The following CRISPLD2 variants were observed in gnomAD, a reference collection of about 807,000 sequenced individuals.
CRISPLD2 encodes cysteine rich secretory protein LCCL domain containing 2.
In CRISPLD2, 47 loss-of-function variants were observed where a neutral mutation model predicts 71.1. The observed-to-expected ratio is 0.66, with a 90% CI of 0.52 to 0.84. The LOEUF (loss-of-function observed/expected upper bound fraction) is 0.84. CRISPLD2 is among the 40% of genes least tolerant of loss of function. The probability of loss-of-function intolerance (pLI) is 0.00; values close to 1 mark genes in which losing one functional copy is unlikely to be tolerated. For missense variants in CRISPLD2, 830 were observed against 651.1 expected, an observed-to-expected ratio of 1.27 and a Z score of -2.99; for synonymous variants, 317 against 250.1, an observed-to-expected ratio of 1.27 and a Z score of -2.52.
At chr16:84,845,939 G>A in intron 3 of CRISPLD2, 35 bp downstream of exon 3, 1 of 1,415,830 alleles carries the variant, frequency 7.1e-7, no homozygotes, top group East Asian at 2.3e-5. Context: ...GCTGCCGCAG[G>A]ACCCCACTGC....
At chr16:84,886,400 C>G (rs2071613703) in intron 13 of CRISPLD2, among the ~76,000 whole-genome samples, 1 of 152,170 alleles carries the variant, frequency 6.6e-6, no homozygotes, top group South Asian at 2.1e-4. Flanking sequence ...AAGGACGGGA[C>G]AAAGGAGCTA....
At chr16:84,850,939 C>CG (rs1917072871) in intron 5 of CRISPLD2, among the ~76,000 whole-genome samples, 2 of 152,052 alleles carry the variant, frequency 1.3e-5, no homozygotes, top group Admixed American at 1.3e-4. Context: ...CACATCTCCC[C>CG]AAGCACAAGG....
chr16:84,848,148 A>AGCC (rs1456262891), intron 3 of CRISPLD2, among the ~76,000 whole-genome samples: 2 of 152,154 alleles, frequency 1.3e-5, no homozygotes, highest in Non-Finnish European at 2.9e-5. Flanking sequence ...CTTTCCCCAC[A>AGCC]GCCATGCCAG....
chr16:84,874,965 A>T (rs1383605899), intron 11 of CRISPLD2, among the ~76,000 whole-genome samples: 1 of 152,144 alleles, frequency 6.6e-6, no homozygotes, highest in African/African-American at 2.4e-5. Context: ...TGTCTGGCTG[A>T]TGCAGCAGCT....
chr16:84,851,727 C>T lies in CRISPLD2; in HGVS notation c.608+1044C>T, dbSNP rs933101102. The stretch of plus-strand genomic sequence containing the variant: ...AGACTGGTCCAAGGTGGTGGAATTC[C>T]TGGCCCAGTGGCAGGTGGTGAATGA... On this transcript the variant is annotated intron_variant, in intron 5 of 14. Transcript: ENST00000262424. Among the ~76,000 whole-genome samples, 11 of 152,198 alleles carry T rather than the reference C, an allele frequency of 7.2e-5. 1 individual carries two copies. Among genetic ancestry groups the T allele is most frequent in the Admixed American group, 7.2e-4 (11 of 15,282 alleles).
Position 84,906,802 on chromosome 16 carries a change from ATC to A in CRISPLD2, c.*161_*162del. The A allele has an allele frequency of 1.2e-6, 1 of 821,520 alleles. No homozygotes were observed. The highest frequency in any genetic ancestry group is 2.0e-6 in the Non-Finnish European group (1 of 488,882). 50.9% of individuals were successfully genotyped at this position (821,520 alleles called of 1,614,324 possible). On this transcript the variant is annotated 3_prime_UTR_variant, in exon 15 of 15. Coordinates refer to ENST00000262424, the MANE Select transcript of CRISPLD2 (RefSeq NM_031476.4). ...TGGCCTGTGGGTGAGGTGACATCTC[ATC>A]CCCTCACTGAAGCAACAGCATCCCA...
intron 1 of CRISPLD2, among the ~76,000 whole-genome samples, chr16:84,829,559 AC>A (rs1916436397): frequency 6.6e-6 from 1 of 151,958 alleles, no homozygotes; most frequent in African/African-American, 2.4e-5. Context: ...CCTAGAGAAC[AC>A]CCCGACCCCC....
Position 84,906,870 on chromosome 16 carries a change from G to A in CRISPLD2, c.*228G>A, listed in dbSNP as rs1324738179. On this transcript the variant is annotated 3_prime_UTR_variant, in exon 15 of 15. Coordinates refer to ENST00000262424, the MANE Select transcript of CRISPLD2 (RefSeq NM_031476.4). ...CTCCCTGGTGCCTGATCCTGCTGGG[G>A]CCTGGGGGTCTCCATCTGGACGTCC... 1.6e-4 allele frequency: 98 copies of A among 619,344 alleles called. 1 individual carries two copies. The highest frequency in any genetic ancestry group is 5.3e-5 in the Admixed American group (2 of 37,798). 38.4% of individuals were successfully genotyped at this position (619,344 alleles called of 1,614,324 possible). A position where few individuals can be genotyped will look rare whatever the true frequency, so the allele number is the denominator to read the frequency against.
chr16:84,885,164 C>G (rs1045939355), intron 13 of CRISPLD2, among the ~76,000 whole-genome samples: 1 of 152,182 alleles, frequency 6.6e-6, no homozygotes, highest in Admixed American at 6.5e-5. Context: ...GGGGTGGATT[C>G]TGAAACAAGC....
intron 1 of CRISPLD2, among the ~76,000 whole-genome samples, chr16:84,827,000 T>C (rs1310974936): frequency 6.6e-6 from 1 of 152,146 alleles, no homozygotes; most frequent in African/African-American, 2.4e-5. Flanking sequence ...TAATTTCTTG[T>C]TGATGCTTAA....
In CRISPLD2 at chr16:84,849,425, G is replaced by A. The variant is rs1048164869; in HGVS notation, c.400G>A (p.Glu134Lys). Residue 134 changes from glutamate (E) to lysine (K), a missense_variant, in exon 4 of 15, where the codon GAG becomes AAG. Transcript: ENST00000262424. ...GTTCCATGTGCAGTCCTGGTATGAC[G>A]AGGTGAAGGACTACACCTACCCCTA... The part of the protein sequence containing the change: ...PGFHVQSWYD[E>K]VKDYTYPYPS... 3 of 1,614,052 alleles carry A rather than the reference G, an allele frequency of 1.9e-6. No individual in the cohort carries two copies. The highest frequency in any genetic ancestry group is 1.7e-6 in the Non-Finnish European group (2 of 1,179,950).
chr16:84,855,196 C>T (rs1301594458), intron 6 of CRISPLD2, among the ~76,000 whole-genome samples: 1 of 152,180 alleles, frequency 6.6e-6, no homozygotes, highest in African/African-American at 2.4e-5. Context: ...CACCTGTAAT[C>T]CCAGCACTTT....
chr16:84,880,616 G>A (rs778111525), intron 13 of CRISPLD2, 32 bp downstream of exon 13: 32 of 1,586,182 alleles, frequency 2.0e-5, no homozygotes, highest in Non-Finnish European at 2.3e-5. Context: ...CAACTATCTC[G>A]CAAAGCCTGT....
intron 6 of CRISPLD2, among the ~76,000 whole-genome samples, chr16:84,863,422 C>G (rs1053613541): frequency 2.0e-5 from 3 of 152,190 alleles, no homozygotes; most frequent in Non-Finnish European, 4.4e-5. Context: ...TCCAGGGTGC[C>G]TGGTAAGGCC....
chr16:84,843,925 G>GCGAGGCA (rs1916842755), intron 2 of CRISPLD2, among the ~76,000 whole-genome samples: 1 of 152,222 alleles, frequency 6.6e-6, no homozygotes, highest in Admixed American at 6.5e-5. Context: ...AGAGAGGGAA[G>GCGAGGCA]TGAGGCATGC....
chr16:84,820,450 A>G (rs1228317660), intron 1 of CRISPLD2, among the ~76,000 whole-genome samples: 1 of 152,154 alleles, frequency 6.6e-6, no homozygotes, highest in Non-Finnish European at 1.5e-5. Flanking sequence ...GTTCACTAGC[A>G]TTTGTTGCAT....
intron 1 of CRISPLD2, among the ~76,000 whole-genome samples, chr16:84,830,413 T>A (rs1916459357): frequency 6.6e-6 from 1 of 152,184 alleles, no homozygotes; most frequent in Non-Finnish European, 1.5e-5. Flanking sequence ...AACTTACAGT[T>A]AAGTTATATT....
intron 2 of CRISPLD2, among the ~76,000 whole-genome samples, chr16:84,841,304 G>A (rs1916763710): frequency 6.6e-6 from 1 of 152,080 alleles, no homozygotes; most frequent in African/African-American, 2.4e-5. Context: ...GGAACAGAAG[G>A]TGTGAAAGCC....
intron 11 of CRISPLD2, among the ~76,000 whole-genome samples, chr16:84,875,413 A>ATTTTTTTT (rs2071509254): frequency 1.8e-5 from 2 of 108,554 alleles, no homozygotes; most frequent in African/African-American, 9.7e-5. Context: ...TTATGCATGG[A>ATTTTTTTT]CTTTTTTTTT....
Sources: gnomAD v4.1 joint callset for allele counts (sites outside exome capture counted in the v4.1 genomes callset) on GRCh38, gnomAD v4.1.1 for gene constraint, MANE v1.5 for transcripts, NCBI Gene and HGNC (gene_info 2026-07-23, HGNC 2026-07-21) for gene names.